SLC3A2: variants seen among roughly 807,000 people sequenced by gnomAD.
SLC3A2 encodes solute carrier family 3 member 2.
Under a neutral mutation model 48.5 loss-of-function variants are expected in SLC3A2, and 32 were observed. The observed-to-expected ratio is 0.66, with a 90% CI of 0.50 to 0.89. The LOEUF (loss-of-function observed/expected upper bound fraction) is 0.89, where lower values mean the gene tolerates loss of function less well. SLC3A2 is among the 40% of genes least tolerant of loss of function. The pLI is 0.00. For missense variants in SLC3A2, 587 were observed against 680.7 expected (o/e 0.86, Z 1.53); for synonymous variants, 277 against 288.8 (o/e 0.96, Z 0.41).
chr11:62,870,135 G>A (rs941448971), intron 1 of SLC3A2, among the ~76,000 whole-genome samples: 11 of 150,306 alleles, frequency 7.3e-5, no homozygotes, highest in Non-Finnish European at 1.3e-4. Flanking sequence ...CTTATCCTGA[G>A]GTCAGAAAGA....
At chr11:62,871,732 A>T (rs964443170) in intron 1 of SLC3A2, 1 of 506,400 alleles carries the variant, frequency 2.0e-6, no homozygotes, top group Non-Finnish European at 3.5e-6. Flanking sequence ...TAAAAATACG[A>T]TTTTTTTTCT....
intron 1 of SLC3A2, chr11:62,871,592 G>T (rs939135475): frequency 3.1e-6 from 2 of 654,590 alleles, no homozygotes; most frequent in African/African-American, 1.8e-5. Context: ...GGGTCTGACT[G>T]TGTTACCCAG....
chr11:62,871,240 CT>C (rs747198908), intron 1 of SLC3A2, among the ~76,000 whole-genome samples: 410 of 118,480 alleles, frequency 3.5e-3, no homozygotes, highest in Non-Finnish European at 4.2e-3. Flanking sequence ...TAGGGCTTAT[CT>C]TTTTTTTTTT....
chr11:62,888,686 C>G lies in SLC3A2; in HGVS notation c.1583C>G (p.Ala528Gly). 6.3e-7 allele frequency: 1 copy of G among 1,590,422 alleles called. No individual in the cohort carries two copies. The highest frequency in any genetic ancestry group is 1.1e-5 in the South Asian group (1 of 90,342). Reference protein sequence around the residue: ...HEGLLLRFPYAA With the variant: ...HEGLLLRFPYGA ...GGGCTGCTGCTCCGCTTCCCCTACG[C>G]GGCCTGACTTCAGCCTGACATGGAC... is the stretch of plus-strand genomic sequence containing the variant. Residue 528 changes from alanine (A) to glycine (G), a missense_variant, in exon 9 of 9, where the codon GCG becomes GGG. Ala to Gly is a moderately conservative substitution (Grantham distance 60, BLOSUM62 0). Around this residue, in one of 3 missense-constraint regions of SLC3A2, gnomAD observed 169 missense variants for 204.4 expected, o/e 0.83. Coordinates refer to ENST00000338663, the MANE Select transcript of SLC3A2 (RefSeq NM_001013251.3).
At chr11:62,871,181 C>CATACTTTATATAATATTA in intron 1 of SLC3A2, among the ~76,000 whole-genome samples, 1 of 150,498 alleles carries the variant, frequency 6.6e-6, no homozygotes, top group East Asian at 2.0e-4. Context: ...TGCGCCCGGC[C>CATACTTTATATAATATTA]TGATTACAGG....
At chr11:62,864,045 C>T (rs1208172164) in intron 1 of SLC3A2, among the ~76,000 whole-genome samples, 1 of 152,108 alleles carries the variant, frequency 6.6e-6, no homozygotes, top group East Asian at 1.9e-4. Context: ...GCAGCTTAGC[C>T]GGTATGTGGG....
upstream of SLC3A2, among the ~76,000 whole-genome samples, chr11:62,877,567 C>A (rs2085583590): frequency 6.6e-6 from 1 of 152,232 alleles, no homozygotes; most frequent in Non-Finnish European, 1.5e-5. Flanking sequence ...ATGATTGTAG[C>A]AGAGGCAGAT....
At chr11:62,872,142 C>G (rs2085524369) in intron 1 of SLC3A2, among the ~76,000 whole-genome samples, 1 of 152,066 alleles carries the variant, frequency 6.6e-6, no homozygotes, top group African/African-American at 2.4e-5. Context: ...GTCTCGATCT[C>G]CTGACCTTGT....
rs767945415 is a variant in SLC3A2 at position 62,885,204 on chromosome 11, C to T, written c.846C>T (p.Ser282=). Residue 282 remains serine, a synonymous_variant, in exon 6 of 9, where the codon TCC becomes TCT. Coordinates refer to ENST00000338663, the MANE Select transcript of SLC3A2 (RefSeq NM_001013251.3). ...TCTTGATTGCGGGGACTAACTCCTC[C>T]GACCTTCAGCAGATCCTGAGCCTAC... ...DRLLIAGTNS[S]DLQQILSLLE... 19 of 1,614,034 alleles carry T rather than the reference C, an allele frequency of 1.2e-5. No individual in the cohort carries two copies. Among genetic ancestry groups the T allele is most frequent in the Middle Eastern group, 1.6e-4 (1 of 6,076 alleles).
At chr11:62,873,226 C>T (rs948828603) in intron 1 of SLC3A2, among the ~76,000 whole-genome samples, 6 of 151,910 alleles carry the variant, frequency 3.9e-5, no homozygotes, top group African/African-American at 1.2e-4. Context: ...TGGTGGCTCA[C>T]GTCTGTAATC....
At chr11:62,872,516 A>G (rs1453642344) in intron 1 of SLC3A2, among the ~76,000 whole-genome samples, 2 of 152,138 alleles carry the variant, frequency 1.3e-5, no homozygotes, top group Admixed American at 6.5e-5. Context: ...CCCTGTCTCA[A>G]AAAAACCCAA....
chr11:62,877,057 CCTT>C (rs531183981), upstream of SLC3A2, among the ~76,000 whole-genome samples: 348 of 149,526 alleles, frequency 2.3e-3, no homozygotes, highest in Non-Finnish European at 3.9e-3. Flanking sequence ...TTTTCTTCTT[CCTT>C]TTCTTTTTTT....
chr11:62,883,399 C>T (rs984238791), intron 3 of SLC3A2: 1 of 215,990 alleles, frequency 4.6e-6, no homozygotes, highest in Non-Finnish European at 9.5e-6. Flanking sequence ...TGGGGTACTC[C>T]TATGTGTCTG....
rs114780257 is a variant in SLC3A2 at position 62,886,805 on chromosome 11, C to A, written c.1143+1197C>A. On this transcript the variant is annotated intron_variant, in intron 7 of 8. Transcript: ENST00000338663. ...TAGAGACAGGCTTTCACTGTTGTTG[C>A]CCAGGCTGGTCTCCAACTCCTGGGC... is the stretch of plus-strand genomic sequence containing the variant. 2.3e-3 allele frequency among the ~76,000 whole-genome samples: 348 copies of A among 152,268 alleles called. 1 individual carries two copies. The highest frequency in any genetic ancestry group is 7.8e-3 in the African/African-American group (323 of 41,546).
chr11:62,869,365 A>T (rs958460017), intron 1 of SLC3A2, among the ~76,000 whole-genome samples: 22 of 151,594 alleles, frequency 1.5e-4, no homozygotes, highest in Non-Finnish European at 2.5e-4. Context: ...TCTACTAAAA[A>T]TACAAAAAAT....
rs766962445 is a variant in SLC3A2 at position 62,885,619 on chromosome 11, C to A, written c.1143+11C>A. 3 of 1,613,720 alleles carry A rather than the reference C, an allele frequency of 1.9e-6. No individual in the cohort carries two copies. Among genetic ancestry groups the A allele is most frequent in the Non-Finnish European group, 1.7e-6 (2 of 1,179,732 alleles). On this transcript the variant is annotated intron_variant, in intron 7 of 8. Transcript: ENST00000338663. ...GCCCTTCCTGGACAGGTACTGCTTG[C>A]TGTCTTTCTGTCACAGGGAGGTTGT...
Position 62,888,373 on chromosome 11 carries a change from C to T in SLC3A2, c.1270C>T (p.Arg424Trp), listed in dbSNP as rs760375747. Residue 424 changes from arginine to tryptophan, a missense_variant, in exon 9 of 9, where the codon CGG (arginine) becomes TGG (tryptophan). Arg to Trp is a moderately radical substitution (Grantham distance 101, BLOSUM62 -3). Transcript: ENST00000338663. ...DPGSLLSLFRRLSDQRSKERS... is the reference protein window; with the variant it reads ...DPGSLLSLFRWLSDQRSKERS... Reference sequence around the variant, plus strand: ...TGGCTCCCTCCTTTCCTTGTTCCGGCGGCTGAGTGACCAGCGGAGTAAGGA... The same window carrying T: ...TGGCTCCCTCCTTTCCTTGTTCCGGTGGCTGAGTGACCAGCGGAGTAAGGA... 29 of 1,614,016 alleles carry T rather than the reference C, an allele frequency of 1.8e-5. No homozygotes were observed. The highest frequency in any genetic ancestry group is 1.2e-4 in the Admixed American group (7 of 59,996).
At position 62,881,988 on chromosome 11, in the gene SLC3A2, A is replaced by T. The variant is rs1373808959; in HGVS notation, c.520A>T (p.Thr174Ser). 1 of 1,614,192 alleles carries T rather than the reference A, an allele frequency of 6.2e-7. No homozygotes were observed. Among genetic ancestry groups the T allele is most frequent in the African/African-American group, 1.3e-5 (1 of 75,046 alleles). Reference protein sequence around the residue: ...HKNQKDDVAQTDLLQIDPNFG... With the variant: ...HKNQKDDVAQSDLLQIDPNFG... ...GAACCAGAAGGATGATGTCGCTCAGACTGACTTGCTGCAGATCGACCCCAA... is the reference window on the plus strand; with the variant it reads ...GAACCAGAAGGATGATGTCGCTCAGTCTGACTTGCTGCAGATCGACCCCAA... Residue 174 changes from threonine (T) to serine (S), a missense_variant, in exon 2 of 9, where the codon ACT becomes TCT. Physicochemically the swap from Thr to Ser is moderately conservative, Grantham distance 58. Coordinates refer to ENST00000338663, the MANE Select transcript of SLC3A2 (RefSeq NM_001013251.3). This position sits in a 1 kb window ranked among gnomAD's most constrained non-coding sequence, Gnocchi z 4.0.
Position 62,859,126 on chromosome 11 carries a change from A to G in SLC3A2, c.112+2745A>G, listed in dbSNP as rs558983937. Among the ~76,000 whole-genome samples, 54 of 152,208 alleles carry G rather than the reference A, an allele frequency of 3.5e-4. No homozygotes were observed. In the South Asian group the frequency reaches 0.011, roughly 31 times the overall value. On this transcript the variant is annotated intron_variant, in intron 1 of 9. Transcript: ENST00000377889. The stretch of plus-strand genomic sequence containing the variant: ...TTCCCACGAGGCCATATTTCAGACT[A>G]TCACATGGGGAGAAACCTTGGACAA...
Sources: allele counts gnomAD v4.1 joint callset (sites outside exome capture counted in the v4.1 genomes callset), GRCh38; gene constraint gnomAD v4.1.1; regional missense constraint gnomAD v4.1.1; non-coding constraint Gnocchi (gnomAD v3.1); transcripts MANE v1.5; gene names NCBI Gene and HGNC (gene_info 2026-07-23, HGNC 2026-07-21).